PTPRD: variants seen among roughly 807,000 people sequenced by gnomAD.
The protein encoded by PTPRD is protein tyrosine phosphatase receptor type D, also known as receptor-type tyrosine-protein phosphatase delta.
Under a neutral mutation model 214.5 loss-of-function variants are expected in PTPRD, and 34 were observed. The ratio of observed to expected loss-of-function variants is 0.16; its 90% CI spans 0.12 to 0.21. The LOEUF (loss-of-function observed/expected upper bound fraction) is 0.21, where lower values mean the gene tolerates loss of function less well. Ranked by LOEUF, PTPRD falls within the 10% of genes least tolerant of loss-of-function variation. PTPRD has a pLI of 1.00. For missense variants in PTPRD, 2,545 were observed against 2,398.7 expected (o/e 1.06, Z -1.27); for synonymous variants, 1,128 against 845.7 (o/e 1.33, Z -5.79).
chr9:8,566,100 A>ATGTGTGTGTGTGTGTGTGTGTG lies in PTPRD; in HGVS notation c.353-37343_353-37322dup, dbSNP rs139478736. Among the ~76,000 whole-genome samples the ATGTGTGTGTGTGTGTGTGTGTG allele has an allele frequency of 3.6e-3, 500 of 137,904 alleles. 7 individuals carry two copies. The highest frequency in any genetic ancestry group is 7.9e-3 in the Middle Eastern group (2 of 254). The allele number at this position is 137,904 out of a possible 152,430, so 90.5% of individuals were successfully genotyped here. On this transcript the variant is annotated intron_variant, in intron 14 of 45. Transcript: ENST00000381196. ...AAAAGATATATACTGAATGCAAAAT[A>ATGTGTGTGTGTGTGTGTGTGTG]TGTGTGTGTGTGTGTGTGTGTGTGT... is the stretch of plus-strand genomic sequence containing the variant.
intron 9 of PTPRD, among the ~76,000 whole-genome samples, chr9:9,195,284 A>G (rs759889874): frequency 2.0e-5 from 3 of 152,072 alleles, no homozygotes; most frequent in Non-Finnish European, 4.4e-5. Flanking sequence ...ATTCACAAAC[A>G]ACATTTAGTT....
At chr9:8,582,463 G>A (rs779764023) in intron 14 of PTPRD, among the ~76,000 whole-genome samples, 1 of 152,264 alleles carries the variant, frequency 6.6e-6, no homozygotes, top group South Asian at 2.1e-4. Flanking sequence ...TAATGAGGTA[G>A]ATAGGCTAGT....
chr9:9,503,152 T>G (rs1178078207), intron 8 of PTPRD, among the ~76,000 whole-genome samples: 3 of 151,858 alleles, frequency 2.0e-5, no homozygotes, highest in Non-Finnish European at 2.9e-5. Context: ...TTTAAATGTA[T>G]CTTGTCAAAA....
At chr9:9,582,090 T>C (rs539527886) in intron 7 of PTPRD, among the ~76,000 whole-genome samples, 1 of 152,288 alleles carries the variant, frequency 6.6e-6, no homozygotes, top group Non-Finnish European at 1.5e-5. Context: ...AGAAGTTTTA[T>C]ATAAGTTTGA....
chr9:9,991,318 A>T (rs967329216), intron 4 of PTPRD, among the ~76,000 whole-genome samples: 4 of 152,026 alleles, frequency 2.6e-5, no homozygotes. Flanking sequence ...GAGAGTGAAA[A>T]AACAAACATT....
chr9:9,378,561 G>C (rs1194694092), intron 9 of PTPRD, among the ~76,000 whole-genome samples: 1 of 152,124 alleles, frequency 6.6e-6, no homozygotes, highest in Non-Finnish European at 1.5e-5. Context: ...CATATGGTAA[G>C]AGTATGTGTA....
chr9:10,271,547 TTC>T (rs760386153), intron 3 of PTPRD, among the ~76,000 whole-genome samples: 36,727 of 132,830 alleles, frequency 0.28, 6,394 homozygotes, highest in Non-Finnish European at 0.38. Flanking sequence ...TTCTTTTCTT[TTC>T]TTTTTTTTTT....
At chr9:8,499,295 C>T (rs10124277) in intron 25 of PTPRD, among the ~76,000 whole-genome samples, 20,257 of 152,142 alleles carry the variant, frequency 0.13, 1,653 homozygotes, top group African/African-American at 0.23. Flanking sequence ...AGAAAGTAGA[C>T]TCCATCAGCA....
At chr9:8,379,339 C>T (rs192070914) in intron 37 of PTPRD, among the ~76,000 whole-genome samples, 1 of 152,210 alleles carries the variant, frequency 6.6e-6, no homozygotes, top group African/African-American at 2.4e-5. Flanking sequence ...TGGTAAGCAC[C>T]TCAGTACTTC....
chr9:10,378,052 C>T (rs556603591), intron 2 of PTPRD, among the ~76,000 whole-genome samples: 26 of 152,152 alleles, frequency 1.7e-4, no homozygotes, highest in African/African-American at 6.0e-4. Context: ...CCCTTTTCTC[C>T]ACATCCTCTC....
intron 7 of PTPRD, among the ~76,000 whole-genome samples, chr9:9,655,064 TGAGAAA>T (rs1044343723): frequency 2.0e-5 from 3 of 152,020 alleles, no homozygotes; most frequent in Middle Eastern, 3.2e-3. Flanking sequence ...CTTTAGGCCT[TGAGAAA>T]GAGAATATAT....
intron 3 of PTPRD, among the ~76,000 whole-genome samples, chr9:10,084,850 C>T (rs1180796542): frequency 1.3e-5 from 2 of 151,834 alleles, no homozygotes; most frequent in African/African-American, 4.8e-5. Flanking sequence ...TTCAACACAG[C>T]ATGCTTAGAA....
chr9:9,268,218 G>A (rs575977222), intron 9 of PTPRD, among the ~76,000 whole-genome samples: 17 of 151,066 alleles, frequency 1.1e-4, no homozygotes, highest in Non-Finnish European at 2.1e-4. Flanking sequence ...TGTATACTAA[G>A]AATGAACTCT....
In PTPRD at chr9:9,805,228, A is replaced by G. The variant is rs1199419145; in HGVS notation, c.-367-38377T>C. On this transcript the variant is annotated intron_variant, in intron 5 of 45. Coordinates refer to ENST00000381196, the MANE Select transcript of PTPRD (RefSeq NM_002839.4). ...AATGAATGATGTTAACAACCTCACA[A>G]TGACCTAGTAGTATGAGAAGAAGTA... 2.6e-5 allele frequency among the ~76,000 whole-genome samples: 4 copies of G among 152,162 alleles called. No homozygotes were observed. In the East Asian group the frequency reaches 5.8e-4, roughly 22 times the overall value.
intron 7 of PTPRD, among the ~76,000 whole-genome samples, chr9:9,664,753 C>T (rs1455527203): frequency 6.6e-6 from 1 of 151,618 alleles, no homozygotes; most frequent in Non-Finnish European, 1.5e-5. Flanking sequence ...CAGTCCATGT[C>T]ATAAACTGAT....
chr9:10,484,433 A>G (rs186268037), intron 2 of PTPRD, among the ~76,000 whole-genome samples: 2 of 152,084 alleles, frequency 1.3e-5, no homozygotes, highest in Admixed American at 6.5e-5. Flanking sequence ...GCAATCCTAA[A>G]GCTCTTAAAG....
At chr9:8,648,455 C>A (rs911213655) in intron 12 of PTPRD, among the ~76,000 whole-genome samples, 1 of 152,170 alleles carries the variant, frequency 6.6e-6, no homozygotes, top group Non-Finnish European at 1.5e-5. Flanking sequence ...CACTCATAGA[C>A]AAAATCTGTG....
chr9:8,521,605 A>T, intron 19 of PTPRD, 59 bp from the exon 20 acceptor site: 2 of 1,566,010 alleles, frequency 1.3e-6, no homozygotes, highest in East Asian at 4.5e-5. Context: ...GTGGATTATT[A>T]AACACATGAC....
At chr9:8,322,191 C>T (rs915035937) in intron 44 of PTPRD, among the ~76,000 whole-genome samples, 3 of 151,938 alleles carry the variant, frequency 2.0e-5, no homozygotes, top group Non-Finnish European at 4.4e-5. Context: ...TGAGACACAA[C>T]AATATCGAAA....
Sources: gnomAD v4.1 joint callset for allele counts (sites outside exome capture counted in the v4.1 genomes callset) on GRCh38, gnomAD v4.1.1 for gene constraint, MANE v1.5 for transcripts, NCBI Gene and HGNC (gene_info 2026-07-23, HGNC 2026-07-21) for gene names.